The following DNAAF1 variants were observed in gnomAD, a reference collection of about 807,000 sequenced individuals.
DNAAF1 encodes the protein dynein axonemal assembly factor 1.
A neutral mutation model predicts 71.1 loss-of-function variants in DNAAF1; 65 were observed. That is an observed-to-expected ratio of 0.91 (90% CI 0.75 to 1.12). DNAAF1 has a LOEUF of 1.12. Ranked by LOEUF, DNAAF1 falls within the 50% of genes most tolerant of loss-of-function variation. DNAAF1 has a pLI of 0.00. For missense variants in DNAAF1, 1,178 were observed against 899.8 expected (o/e 1.31, Z -3.96); for synonymous variants, 414 against 354.6 (o/e 1.17, Z -1.88).
At chr16:84,162,507 G>C (rs2087762263) in intron 6 of DNAAF1, among the ~76,000 whole-genome samples, 1 of 151,402 alleles carries the variant, frequency 6.6e-6, no homozygotes, top group African/African-American at 2.4e-5. Flanking sequence ...ATCAATTTTA[G>C]AACATTCTCA....
At chr16:84,161,915 C>A (rs553397841) in intron 6 of DNAAF1, among the ~76,000 whole-genome samples, 1 of 152,134 alleles carries the variant, frequency 6.6e-6, no homozygotes, top group Non-Finnish European at 1.5e-5. Flanking sequence ...ACTAAAAGGG[C>A]TCCTCTAACA....
In DNAAF1 at chr16:84,177,852, T is replaced by G; in HGVS notation, c.*11T>G. ...CCGAAAGCATCATAGTTTTCCCCAG[T>G]TATATGTAGCATAAATGGTTTAATC... On this transcript the variant is annotated 3_prime_UTR_variant, in exon 12 of 12. Coordinates refer to ENST00000378553, the MANE Select transcript of DNAAF1 (RefSeq NM_178452.6). 6.2e-7 allele frequency: 1 copy of G among 1,602,514 alleles called. No homozygotes were observed.
Position 84,145,480 on chromosome 16 carries a change from G to T in DNAAF1, c.40G>T (p.Ala14Ser). 1 of 1,576,252 alleles carries T rather than the reference G, an allele frequency of 6.3e-7. No homozygotes were observed. The highest frequency in any genetic ancestry group is 8.6e-7 in the Non-Finnish European group (1 of 1,161,192). ...CTCGGAGCCTGCGACAGGTGGTGCA[G>T]CAGAGCTGGATTGCGCGCAGGAGCC... Reference protein sequence around the residue: ...EPSEPATGGAAELDCAQEPGV... With the variant: ...EPSEPATGGASELDCAQEPGV... Residue 14 changes from alanine to serine, a missense_variant, in exon 1 of 12, where the codon GCA (alanine) becomes TCA (serine). Ala to Ser is a moderately conservative substitution (Grantham distance 99, BLOSUM62 1). Coordinates refer to ENST00000378553, the MANE Select transcript of DNAAF1 (RefSeq NM_178452.6).
chr16:84,175,846 G>C (rs2088620940), intron 10 of DNAAF1, 87 bp from the exon 11 acceptor site: 1 of 1,505,130 alleles, frequency 6.6e-7, no homozygotes, highest in East Asian at 2.3e-5. Flanking sequence ...GTGACATTGG[G>C]TGAAAAAGCA....
chr16:84,174,342 A>G (rs1387307138), intron 9 of DNAAF1: 6 of 1,257,990 alleles, frequency 4.8e-6, no homozygotes, highest in East Asian at 8.2e-5. Context: ...ACAGAGGTGC[A>G]TTTGGTTTGG....
chr16:84,173,125 T>C (rs2088454855), intron 9 of DNAAF1: 15 of 985,994 alleles, frequency 1.5e-5, no homozygotes, highest in Non-Finnish European at 1.8e-5. Flanking sequence ...TCTAAACTGG[T>C]GTTTCTAATG....
chr16:84,160,073 G>T (rs1270304434), intron 6 of DNAAF1, among the ~76,000 whole-genome samples: 2 of 152,096 alleles, frequency 1.3e-5, no homozygotes, highest in African/African-American at 4.8e-5. Context: ...TCACTGCATT[G>T]AAGAAAGTGG....
At position 84,174,742 on chromosome 16, in the gene DNAAF1, A is replaced by AT. The variant is rs763374253; in HGVS notation, c.1698+24dup. ...GACCAGGTTAAGGTCATTAGAAACC[A>AT]TTTTCCCACAGGCAGCTTAATTCCA... On this transcript the variant is annotated intron_variant, in intron 10 of 11. Coordinates refer to ENST00000378553, the MANE Select transcript of DNAAF1 (RefSeq NM_178452.6). 4.3e-6 allele frequency: 7 copies of AT among 1,614,004 alleles called. No homozygotes were observed. Among genetic ancestry groups the AT allele is most frequent in the Non-Finnish European group, 5.9e-6 (7 of 1,179,970 alleles).
rs2151265896 is a variant in DNAAF1, at chr16:84,170,080, G to T, written c.1252G>T (p.Ala418Ser). 2 of 1,612,650 alleles carry T rather than the reference G, an allele frequency of 1.2e-6. No individual in the cohort carries two copies. The highest frequency in any genetic ancestry group is 1.3e-5 in the African/African-American group (1 of 74,954). ...GGPEPEGTLP[A>S]ETLLLSSPVE... ...TCCAGAGCCAGAGGGGACCCTCCCA[G>T]CTGAGACCCTGCTACTGTCGTCACC... The change falls in exon 8 of 12, where the codon GCT becomes TCT. Residue 418 changes from alanine (A) to serine (S), a missense_variant. Ala to Ser is a moderately conservative substitution (Grantham distance 99). Coordinates refer to ENST00000378553, the MANE Select transcript of DNAAF1 (RefSeq NM_178452.6).
intron 3 of DNAAF1, among the ~76,000 whole-genome samples, chr16:84,151,911 A>T (rs1212117628): frequency 6.6e-6 from 1 of 152,242 alleles, no homozygotes; most frequent in Non-Finnish European, 1.5e-5. Flanking sequence ...AAGCAAGGCC[A>T]AGACAAAAGT....
chr16:84,172,714 T>C, intron 9 of DNAAF1: 6 of 1,184,844 alleles, frequency 5.1e-6, no homozygotes, highest in Non-Finnish European at 6.4e-6. Flanking sequence ...TCTGACTAGT[T>C]GCCTTATCCA....
In DNAAF1 at chr16:84,150,301, T is replaced by C; in HGVS notation, c.311T>C (p.Ile104Thr). ...QKLCKQHKLY[I>T]TPALNDTLYL... ...CTCTGCAAGCAGCACAAGCTTTATA[T>C]TACCCCAGCATTGAATGATACGCTG... Residue 104 changes from isoleucine to threonine, a missense_variant, in exon 3 of 12, where the codon ATT becomes ACT. Coordinates refer to ENST00000378553, the MANE Select transcript of DNAAF1 (RefSeq NM_178452.6). The C allele has an allele frequency of 6.2e-7, 1 of 1,614,036 alleles. No homozygotes were observed. The highest frequency in any genetic ancestry group is 8.5e-7 in the Non-Finnish European group (1 of 1,179,894).
At chr16:84,148,098 G>C (rs1211188837) in intron 1 of DNAAF1, among the ~76,000 whole-genome samples, 1 of 151,886 alleles carries the variant, frequency 6.6e-6, no homozygotes, top group African/African-American at 2.4e-5. Flanking sequence ...ATTTCACATA[G>C]AGTTGGTGTT....
At chr16:84,163,872 T>G (rs72800716) in intron 6 of DNAAF1, among the ~76,000 whole-genome samples, 7,695 of 128,420 alleles carry the variant, frequency 0.06, 250 homozygotes, top group East Asian at 0.18. Flanking sequence ...TTTTTTTTTT[T>G]TGTGGGGGAC....
At chr16:84,175,499 T>G (rs2088604904) in intron 10 of DNAAF1, 2 of 236,306 alleles carry the variant, frequency 8.5e-6, no homozygotes, top group Admixed American at 5.2e-5. Context: ...ACCCGTACCC[T>G]GAGGGAGAAG....
At chr16:84,161,515 C>T (rs2087715687) in intron 6 of DNAAF1, among the ~76,000 whole-genome samples, 1 of 152,128 alleles carries the variant, frequency 6.6e-6, no homozygotes, top group African/African-American at 2.4e-5. Flanking sequence ...CAGGCGTGCA[C>T]CACCAAACCC....
At chr16:84,160,156 T>C (rs1479953573) in intron 6 of DNAAF1, among the ~76,000 whole-genome samples, 1 of 152,210 alleles carries the variant, frequency 6.6e-6, no homozygotes, top group Non-Finnish European at 1.5e-5. Flanking sequence ...ATTTACAACC[T>C]CACATAACAT....
chr16:84,157,610 C>T (rs2087501147), intron 5 of DNAAF1, among the ~76,000 whole-genome samples: 1 of 151,956 alleles, frequency 6.6e-6, no homozygotes, highest in Non-Finnish European at 1.5e-5. Context: ...CTTTGACAGC[C>T]TCCTTGCTTC....
rs1555521110 is a variant in DNAAF1 at position 84,154,690 on chromosome 16, CTCT to C, written c.471_473del (p.Phe157del). The C allele has an allele frequency of 6.2e-7, 1 of 1,614,134 alleles. No individual in the cohort carries two copies. Among genetic ancestry groups the C allele is most frequent in the Admixed American group, 1.7e-5 (1 of 60,006 alleles). On this transcript the variant is annotated inframe_deletion, in exon 4 of 12. Coordinates refer to ENST00000378553, the MANE Select transcript of DNAAF1 (RefSeq NM_178452.6). ...GGAGGCCCAAACTGAGTTGCGTTGC[CTCT>C]TCTTGCAAATGAACTTGCTCCGTAA...
Sources: gnomAD v4.1 joint callset for allele counts (sites outside exome capture counted in the v4.1 genomes callset) on GRCh38, gnomAD v4.1.1 for gene constraint, MANE v1.5 for transcripts, NCBI Gene and HGNC (gene_info 2026-07-23, HGNC 2026-07-21) for gene names.